MACROD2: variants seen among roughly 807,000 people sequenced by gnomAD.
MACROD2 encodes mono-ADP ribosylhydrolase 2.
MACROD2 carries 36 observed loss-of-function variants against 70.4 expected under a neutral mutation model. The ratio of observed to expected loss-of-function variants is 0.51; its 90% CI spans 0.39 to 0.68. The LOEUF is 0.68. MACROD2 is among the 30% of genes least tolerant of loss of function. The pLI is 0.00. For missense variants in MACROD2, 496 were observed against 538.4 expected, an observed-to-expected ratio of 0.92 and a Z score of 0.78; for synonymous variants, 172 against 178.8, an observed-to-expected ratio of 0.96 and a Z score of 0.30.
chr20:14,128,221 C>T (rs2054675790), intron 3 of MACROD2: 1 of 358,854 alleles, frequency 2.8e-6, no homozygotes, highest in African/African-American at 2.1e-5. Flanking sequence ...GGAGCAGATC[C>T]CACCTCATTT....
At chr20:15,784,870 C>T (rs2051894462) in intron 8 of MACROD2, among the ~76,000 whole-genome samples, 1 of 151,890 alleles carries the variant, frequency 6.6e-6, no homozygotes, top group Non-Finnish European at 1.5e-5. Flanking sequence ...CGGAGTAGGC[C>T]GGGTGCGGTG....
chr20:15,244,032 GAAGAT>G (rs1414293327), intron 6 of MACROD2, among the ~76,000 whole-genome samples: 1 of 152,122 alleles, frequency 6.6e-6, no homozygotes, highest in African/African-American at 2.4e-5. Context: ...TATTAAATAT[GAAGAT>G]AATAAGTACT....
At chr20:16,046,943 A>G (rs992264553) in intron 17 of MACROD2, among the ~76,000 whole-genome samples, 1 of 152,078 alleles carries the variant, frequency 6.6e-6, no homozygotes, top group Admixed American at 6.6e-5. Context: ...CGGCCTCCCA[A>G]AGTGCTGGGA....
intron 5 of MACROD2, among the ~76,000 whole-genome samples, chr20:15,108,874 A>C (rs574322258): frequency 6.6e-6 from 1 of 150,622 alleles, no homozygotes; most frequent in Admixed American, 6.7e-5. Flanking sequence ...AAAGTTAGAT[A>C]ATTAGCCTGA....
intron 8 of MACROD2, among the ~76,000 whole-genome samples, chr20:15,699,915 G>A (rs985027196): frequency 6.6e-5 from 10 of 152,114 alleles, no homozygotes; most frequent in Non-Finnish European, 1.2e-4. Flanking sequence ...GACCTAGGAA[G>A]CCCCCAGGGC....
chr20:14,680,501 A>G (rs2070919071), intron 4 of MACROD2, among the ~76,000 whole-genome samples: 2 of 152,114 alleles, frequency 1.3e-5, no homozygotes, highest in Non-Finnish European at 2.9e-5. Context: ...ACCTTAACGA[A>G]ACGTCCATAT....
chr20:13,995,852 T>TTG lies in MACROD2; in HGVS notation c.46+43_46+44insTG. The TTG allele has an allele frequency of 1.4e-4, 112 of 781,956 alleles. No homozygotes were observed. The highest frequency in any genetic ancestry group is 2.1e-4 in the Non-Finnish European group (104 of 496,314). 48.4% of individuals were successfully genotyped at this position (781,956 alleles called of 1,614,324 possible). A position where few individuals can be genotyped will look rare whatever the true frequency, so the allele number is the denominator to read the frequency against. ...TCCTGGGGGTGCGGGCGGTGGGGGT[T>TTG]AGGGTGGGGGCGGGGGTCAGGCTGT... On this transcript the variant is annotated intron_variant, in intron 1 of 17. Transcript: ENST00000684519. This position sits in a 1 kb window ranked among gnomAD's most constrained non-coding sequence, Gnocchi z 4.3.
chr20:15,935,126 CT>C (rs1391555024), intron 11 of MACROD2, among the ~76,000 whole-genome samples: 3 of 152,176 alleles, frequency 2.0e-5, no homozygotes, highest in Non-Finnish European at 4.4e-5. Flanking sequence ...ATTTATTCAT[CT>C]TTTCCCTTTA....
At chr20:15,589,667 C>T (rs1355213393) in intron 8 of MACROD2, among the ~76,000 whole-genome samples, 2 of 152,188 alleles carry the variant, frequency 1.3e-5, no homozygotes, top group African/African-American at 2.4e-5. Flanking sequence ...ATCCTCTGTG[C>T]TCTGCCTACT....
chr20:14,284,436 G>A (rs2082328876), intron 3 of MACROD2, among the ~76,000 whole-genome samples: 1 of 152,184 alleles, frequency 6.6e-6, no homozygotes, highest in African/African-American at 2.4e-5. Flanking sequence ...CCTTAGTGTG[G>A]TATAATGGTG....
Position 15,588,333 on chromosome 20 carries a change from C to T in MACROD2, c.645+88486C>T, listed in dbSNP as rs371303665. Among the ~76,000 whole-genome samples the T allele has an allele frequency of 6.8e-4, 104 of 152,224 alleles. 1 individual carries two copies. The South Asian group carries it at 9.5e-3, about 14-fold the overall frequency. On this transcript the variant is annotated intron_variant, in intron 8 of 17. Transcript: ENST00000684519. Reference sequence around the variant, plus strand: ...AGCCCACAAAACCACTTTTTCCTCCCGGGCCTCTGAGCCTGTGATGGGAGG... The same window carrying T: ...AGCCCACAAAACCACTTTTTCCTCCTGGGCCTCTGAGCCTGTGATGGGAGG...
chr20:14,689,024 TGATGTGACCTTTACTTCTCTACATC>T (rs2071033509), intron 5 of MACROD2, among the ~76,000 whole-genome samples: 1 of 152,096 alleles, frequency 6.6e-6, no homozygotes, highest in Non-Finnish European at 1.5e-5. Flanking sequence ...ATGCTCTACA[TGATGTGACCTTTACTTCTCTACATC>T]ATCTCCTTCT....
At chr20:15,807,957 C>G (rs1461037470) in intron 8 of MACROD2, among the ~76,000 whole-genome samples, 1 of 151,984 alleles carries the variant, frequency 6.6e-6, no homozygotes, top group Non-Finnish European at 1.5e-5. Flanking sequence ...TAAAGATCGA[C>G]CCCTGACCTA....
intron 5 of MACROD2, among the ~76,000 whole-genome samples, chr20:15,134,369 C>T (rs1034540012): frequency 1.3e-5 from 2 of 151,722 alleles, no homozygotes; most frequent in Non-Finnish European, 2.9e-5. Flanking sequence ...CAAACTGTCT[C>T]TCAGACCACA....
At chr20:14,821,142 G>A (rs2072839739) in intron 5 of MACROD2, among the ~76,000 whole-genome samples, 1 of 151,950 alleles carries the variant, frequency 6.6e-6, no homozygotes, top group South Asian at 2.1e-4. Context: ...ATTTGCTTTG[G>A]CATATTGACA....
chr20:15,591,586 TAAAAAAAAA>T (rs11471295), intron 8 of MACROD2, among the ~76,000 whole-genome samples: 8 of 65,140 alleles, frequency 1.2e-4, no homozygotes, highest in African/African-American at 4.3e-4. Context: ...AAGCCAGTAC[TAAAAAAAAA>T]AAAAAAAAAA....
intron 8 of MACROD2, among the ~76,000 whole-genome samples, chr20:15,746,020 T>C (rs1311394525): frequency 6.6e-6 from 1 of 152,178 alleles, no homozygotes; most frequent in Non-Finnish European, 1.5e-5. Flanking sequence ...GCCTATGTTA[T>C]TGCCACATAA....
chr20:14,331,844 C>T (rs936986429), intron 3 of MACROD2, among the ~76,000 whole-genome samples: 5 of 151,956 alleles, frequency 3.3e-5, no homozygotes, highest in African/African-American at 4.8e-5. Context: ...AGTCAAATGT[C>T]GATGATGAAA....
chr20:14,498,496 G>T (rs2084881458), intron 4 of MACROD2, among the ~76,000 whole-genome samples: 3 of 152,132 alleles, frequency 2.0e-5, no homozygotes, highest in Non-Finnish European at 4.4e-5. Flanking sequence ...CCTTTTCCCT[G>T]TGGCCAATCA....
Sources: allele counts gnomAD v4.1 joint callset (sites outside exome capture counted in the v4.1 genomes callset), GRCh38; gene constraint gnomAD v4.1.1; non-coding constraint Gnocchi (gnomAD v3.1); transcripts MANE v1.5; gene names NCBI Gene and HGNC (gene_info 2026-07-23, HGNC 2026-07-21).